Variants in MGMT observed in about 807,000 individuals in gnomAD.
The protein encoded by MGMT is methylated-DNA--protein-cysteine methyltransferase.
MGMT carries 14 observed loss-of-function variants against 15.9 expected under a neutral mutation model. That is an observed-to-expected ratio of 0.88 (90% confidence interval 0.58 to 1.37). The LOEUF (loss-of-function observed/expected upper bound fraction) is 1.37. Among genes scored for constraint, MGMT ranks in the 40% most tolerant of loss-of-function variants. The pLI is 0.00. For synonymous variants in MGMT, 130 were observed against 118.2 expected (o/e 1.10, Z -0.65); for missense variants, 282 against 268.1 (o/e 1.05, Z -0.36).
intron 1 of MGMT, among the ~76,000 whole-genome samples, chr10:129,508,738 G>A (rs977654008): frequency 1.3e-5 from 2 of 151,838 alleles, no homozygotes; most frequent in African/African-American, 4.8e-5. Context: ...TAGAGACGGG[G>A]TTTTCACCAT....
intron 3 of MGMT, among the ~76,000 whole-genome samples, chr10:129,752,683 G>A (rs1222055729): frequency 6.6e-6 from 1 of 151,900 alleles, no homozygotes; most frequent in Non-Finnish European, 1.5e-5. Context: ...TAGAATCACT[G>A]TTTTACCTTT....
chr10:129,503,836 T>C (rs1160250060), intron 1 of MGMT, among the ~76,000 whole-genome samples: 5 of 152,242 alleles, frequency 3.3e-5, no homozygotes, highest in African/African-American at 4.8e-5. Context: ...TGTTACAGAC[T>C]TTTTCCTCCT....
intron 2 of MGMT, among the ~76,000 whole-genome samples, chr10:129,605,074 C>T (rs545815974): frequency 5.9e-5 from 9 of 152,226 alleles, no homozygotes; most frequent in Non-Finnish European, 1.3e-4. Context: ...AACTTGACTG[C>T]ATCTTGTTGT....
At chr10:129,582,302 G>A (rs1227218947) in intron 2 of MGMT, among the ~76,000 whole-genome samples, 1 of 152,154 alleles carries the variant, frequency 6.6e-6, no homozygotes, top group Non-Finnish European at 1.5e-5. Flanking sequence ...AAGCCGTTGA[G>A]AGTGTGCTCT....
chr10:129,648,334 G>A (rs1231111814), intron 2 of MGMT, among the ~76,000 whole-genome samples: 6 of 152,046 alleles, frequency 3.9e-5, no homozygotes, highest in Admixed American at 2.0e-4. Context: ...TTCATTTAAA[G>A]CATCTAAATG....
At chr10:129,508,558 C>A (rs1316058507) in intron 1 of MGMT, among the ~76,000 whole-genome samples, 3 of 104,280 alleles carry the variant, frequency 2.9e-5, no homozygotes, top group Non-Finnish European at 6.0e-5. Context: ...TTTTTTATTT[C>A]TTTTGAGATG....
At chr10:129,520,281 T>C (rs939623302) in intron 1 of MGMT, among the ~76,000 whole-genome samples, 4 of 152,166 alleles carry the variant, frequency 2.6e-5, no homozygotes, top group Non-Finnish European at 4.4e-5. Context: ...ACCCTGCTGT[T>C]AGAGCTGCTG....
chr10:129,516,905 C>T (rs1845744288), intron 1 of MGMT, among the ~76,000 whole-genome samples: 1 of 152,204 alleles, frequency 6.6e-6, no homozygotes, highest in African/African-American at 2.4e-5. Flanking sequence ...AAGTGGAGAC[C>T]TTTGAGAATT....
intron 2 of MGMT, among the ~76,000 whole-genome samples, chr10:129,605,843 G>A (rs1036730267): frequency 5.3e-5 from 8 of 151,972 alleles, no homozygotes; most frequent in Non-Finnish European, 1.0e-4. Flanking sequence ...AAAAACACCC[G>A]TTGTGCTGTG....
intron 1 of MGMT, among the ~76,000 whole-genome samples, chr10:129,513,878 A>G (rs564139195): frequency 1.2e-4 from 18 of 152,344 alleles, no homozygotes; most frequent in Admixed American, 3.9e-4. Flanking sequence ...TAGTCGTAGA[A>G]GTGGAGAAAA....
rs556623761 is a variant in MGMT at position 129,673,680 on chromosome 10, A to G, written c.126-34215A>G. Among the ~76,000 whole-genome samples, 18 of 152,192 alleles carry G rather than the reference A, an allele frequency of 1.2e-4. No homozygotes were observed. In the South Asian group the frequency reaches 1.4e-3, roughly 12 times the overall value. On this transcript the variant is annotated intron_variant, in intron 2 of 4. Coordinates refer to ENST00000651593, the MANE Select transcript of MGMT (RefSeq NM_002412.5). ...TTGCAAGTTCTCCTGGTCTGGATCT[A>G]TTAGTTGAAGAAATTGCCACCTCGT...
intron 2 of MGMT, among the ~76,000 whole-genome samples, chr10:129,617,845 G>T (rs1434339467): frequency 6.6e-6 from 1 of 152,128 alleles, no homozygotes; most frequent in Non-Finnish European, 1.5e-5. Flanking sequence ...ACCTTTGGGG[G>T]ATGCATAGTC....
At chr10:129,518,283 A>G (rs1324794118) in intron 1 of MGMT, among the ~76,000 whole-genome samples, 1 of 151,672 alleles carries the variant, frequency 6.6e-6, no homozygotes, top group African/African-American at 2.4e-5. Flanking sequence ...AAAAAACTTT[A>G]TAAATCTTAA....
At chr10:129,691,855 C>T (rs966132282) in intron 2 of MGMT, among the ~76,000 whole-genome samples, 10 of 152,148 alleles carry the variant, frequency 6.6e-5, no homozygotes, top group Non-Finnish European at 1.5e-4. Context: ...TTAGAAGCCA[C>T]GTTGGAGAGG....
intron 1 of MGMT, among the ~76,000 whole-genome samples, chr10:129,510,631 A>G (rs78869668): frequency 0.069 from 10,438 of 152,232 alleles, 1,202 homozygotes; most frequent in African/African-American, 0.24. Flanking sequence ...TAGGAAGTTG[A>G]TAGAAGTGTA....
chr10:129,573,902 T>C (rs1313860788), intron 2 of MGMT, among the ~76,000 whole-genome samples: 1 of 152,240 alleles, frequency 6.6e-6, no homozygotes, highest in Non-Finnish European at 1.5e-5. Flanking sequence ...AATAAGTGAC[T>C]TTGTGAGAAT....
intron 1 of MGMT, among the ~76,000 whole-genome samples, chr10:129,510,130 C>G (rs1845665773): frequency 6.6e-6 from 1 of 152,190 alleles, no homozygotes; most frequent in Non-Finnish European, 1.5e-5. Context: ...ACCAGGACTC[C>G]AGGAGTTGCC....
intron 3 of MGMT, among the ~76,000 whole-genome samples, chr10:129,718,711 G>A (rs573872521): frequency 3.2e-4 from 49 of 151,558 alleles, no homozygotes; most frequent in African/African-American, 1.1e-3. Context: ...CACCTTCCTG[G>A]GCTGTCTAGA....
At chr10:129,651,241 C>T (rs545535508) in intron 2 of MGMT, among the ~76,000 whole-genome samples, 1 of 152,284 alleles carries the variant, frequency 6.6e-6, no homozygotes, top group African/African-American at 2.4e-5. Flanking sequence ...CCTCAGCCTT[C>T]CCTTAGGTGC....
Sources: gnomAD v4.1 joint callset for allele counts (sites outside exome capture counted in the v4.1 genomes callset) on GRCh38, gnomAD v4.1.1 for gene constraint, MANE v1.5 for transcripts, NCBI Gene and HGNC (gene_info 2026-07-23, HGNC 2026-07-21) for gene names.